The following CDH13 variants were observed in gnomAD, a reference collection of about 807,000 sequenced individuals.
The protein encoded by CDH13 is cadherin 13.
CDH13 carries 24 observed loss-of-function variants against 63.8 expected under a neutral mutation model. The ratio of observed to expected loss-of-function variants is 0.38; its 90% CI spans 0.27 to 0.53. The LOEUF is 0.53. Ranked by LOEUF, CDH13 falls within the 20% of genes least tolerant of loss-of-function variation. CDH13 has a pLI of 0.85. For synonymous variants in CDH13, 503 were observed against 355.3 expected, an observed-to-expected ratio of 1.42 and a Z score of -4.67; for missense variants, 1,049 against 903.1, an observed-to-expected ratio of 1.16 and a Z score of -2.07.
chr16:83,779,355 C>T lies in CDH13; in HGVS notation c.1682-613C>T, dbSNP rs368457359. ...CCGGGAGGCGGAGGTTGCAGTGAGTCGAGATTGCGCCATTGCACTCCAGCC... is the reference window on the plus strand; with the variant it reads ...CCGGGAGGCGGAGGTTGCAGTGAGTTGAGATTGCGCCATTGCACTCCAGCC... On this transcript the variant is annotated intron_variant, in intron 11 of 13. Coordinates refer to ENST00000567109, the MANE Select transcript of CDH13 (RefSeq NM_001257.5). Among the ~76,000 whole-genome samples, 176 of 118,368 alleles carry T rather than the reference C, an allele frequency of 1.5e-3. 1 individual carries two copies. The highest frequency in any genetic ancestry group is 5.5e-3 in the African/African-American group (172 of 31,016). 77.7% of individuals were successfully genotyped at this position (118,368 alleles called of 152,430 possible). A position where few individuals can be genotyped will look rare whatever the true frequency, so the allele number is the denominator to read the frequency against.
At chr16:83,633,094 G>A (rs1567469936) in intron 8 of CDH13, among the ~76,000 whole-genome samples, 1 of 152,126 alleles carries the variant, frequency 6.6e-6, no homozygotes, top group Non-Finnish European at 1.5e-5. Context: ...GGTAGGTTTT[G>A]GCCAGCTTCT....
intron 10 of CDH13, among the ~76,000 whole-genome samples, chr16:83,694,991 G>A (rs1480157704): frequency 6.6e-6 from 1 of 152,166 alleles, no homozygotes; most frequent in South Asian, 2.1e-4. Context: ...CAGATCACTT[G>A]AGATCAGGAG....
intron 2 of CDH13, among the ~76,000 whole-genome samples, chr16:83,018,862 A>C (rs1249350306): frequency 1.3e-5 from 2 of 152,220 alleles, no homozygotes; most frequent in Non-Finnish European, 2.9e-5. Flanking sequence ...AACACAGAAA[A>C]GGTATAATAA....
At chr16:83,157,001 C>T (rs2037233995) in intron 4 of CDH13, among the ~76,000 whole-genome samples, 1 of 152,022 alleles carries the variant, frequency 6.6e-6, no homozygotes, top group Admixed American at 6.6e-5. Flanking sequence ...TGGAATTCTC[C>T]TTTTCTTTTT....
At chr16:82,932,087 C>G (rs747645361) in intron 2 of CDH13, among the ~76,000 whole-genome samples, 4 of 152,100 alleles carry the variant, frequency 2.6e-5, no homozygotes, top group Non-Finnish European at 5.9e-5. Flanking sequence ...TTGCTTAGGA[C>G]AGTTGTGGAT....
intron 7 of CDH13, among the ~76,000 whole-genome samples, chr16:83,596,727 G>C (rs1014911321): frequency 6.6e-6 from 1 of 152,188 alleles, no homozygotes; most frequent in African/African-American, 2.4e-5. Context: ...TTCTGATCAT[G>C]TATGAGCAAG....
chr16:83,426,543 A>ACACT (rs1441917804), intron 6 of CDH13, among the ~76,000 whole-genome samples: 1 of 136,128 alleles, frequency 7.3e-6, no homozygotes, highest in Non-Finnish European at 1.6e-5. Flanking sequence ...ACACACACAC[A>ACACT]CTCATGTGGT....
rs189049570 is a variant in CDH13 at position 83,588,629 on chromosome 16, A to G, written c.961-13825A>G. 2.9e-3 allele frequency among the ~76,000 whole-genome samples: 437 copies of G among 152,340 alleles called. 4 individuals carry two copies. The highest frequency in any genetic ancestry group is 0.01 in the African/African-American group (422 of 41,582). On this transcript the variant is annotated intron_variant, in intron 7 of 13. Transcript: ENST00000567109. The stretch of plus-strand genomic sequence containing the variant: ...TAAATACTTAGAAAGTGACTGACAC[A>G]TTGGAAACCACAGGCACCAAAGGGA...
At chr16:82,980,861 A>T (rs1434044923) in intron 2 of CDH13, among the ~76,000 whole-genome samples, 1 of 152,174 alleles carries the variant, frequency 6.6e-6, no homozygotes, top group African/African-American at 2.4e-5. Context: ...GGAAACAATG[A>T]TTTATTAAAG....
At chr16:82,879,099 C>G (rs1168191963) in intron 2 of CDH13, among the ~76,000 whole-genome samples, 4 of 152,136 alleles carry the variant, frequency 2.6e-5, no homozygotes, top group Admixed American at 6.5e-5. Flanking sequence ...ATAAGCAAGC[C>G]TTGCCTTGAG....
chr16:83,434,344 A>G (rs906127986), intron 6 of CDH13, among the ~76,000 whole-genome samples: 4 of 152,076 alleles, frequency 2.6e-5, no homozygotes, highest in African/African-American at 9.7e-5. Context: ...CTCTGAACCT[A>G]CTTCCCCATT....
intron 6 of CDH13, among the ~76,000 whole-genome samples, chr16:83,440,991 C>T (rs558868365): frequency 3.7e-4 from 56 of 152,164 alleles, no homozygotes; most frequent in Non-Finnish European, 7.2e-4. Context: ...TGAACACAAC[C>T]ACTGCAGTTC....
intron 6 of CDH13, among the ~76,000 whole-genome samples, chr16:83,366,159 A>T (rs75523793): frequency 0.097 from 14,810 of 152,226 alleles, 869 homozygotes; most frequent in Non-Finnish European, 0.13. Context: ...GGATTTTTTT[A>T]AAAAAGCACA....
chr16:83,297,766 C>T (rs150042352), intron 5 of CDH13, among the ~76,000 whole-genome samples: 1 of 152,068 alleles, frequency 6.6e-6, no homozygotes, highest in African/African-American at 2.4e-5. Context: ...GATGAAGAAA[C>T]ATACAAATGA....
chr16:82,704,939 T>A, intron 1 of CDH13: 1 of 337,350 alleles, frequency 3.0e-6, no homozygotes, highest in South Asian at 2.4e-5. Context: ...CCCGGGATAT[T>A]GACAGACACC....
At chr16:82,657,332 G>A (rs560785103) in intron 1 of CDH13, among the ~76,000 whole-genome samples, 17 of 152,228 alleles carry the variant, frequency 1.1e-4, no homozygotes, top group South Asian at 4.1e-4. Context: ...CTGTTGTAGC[G>A]CACTCACCCT....
chr16:83,644,992 C>T (rs1389252280), intron 8 of CDH13, among the ~76,000 whole-genome samples: 1 of 152,136 alleles, frequency 6.6e-6, no homozygotes, highest in African/African-American at 2.4e-5. Flanking sequence ...TACAAGCTCC[C>T]CACTCTTGAA....
intron 6 of CDH13, among the ~76,000 whole-genome samples, chr16:83,473,150 A>G (rs1317900623): frequency 6.6e-6 from 1 of 152,240 alleles, no homozygotes; most frequent in Non-Finnish European, 1.5e-5. Flanking sequence ...TTTATTCTTC[A>G]TAAAAGATCC....
At chr16:82,891,460 A>G (rs754428515) in intron 2 of CDH13, among the ~76,000 whole-genome samples, 14 of 152,158 alleles carry the variant, frequency 9.2e-5, no homozygotes, top group Non-Finnish European at 1.9e-4. Context: ...CAGAAACTCA[A>G]CACATTGTTG....
Sources: gnomAD v4.1 joint callset for allele counts (sites outside exome capture counted in the v4.1 genomes callset) on GRCh38, gnomAD v4.1.1 for gene constraint, MANE v1.5 for transcripts, NCBI Gene and HGNC (gene_info 2026-07-23, HGNC 2026-07-21) for gene names.